Variants in MLIP observed in about 807,000 individuals in gnomAD.
MLIP encodes muscular LMNA interacting protein.
MLIP carries 79 observed loss-of-function variants against 84.8 expected under a neutral mutation model. The observed-to-expected ratio is 0.93, with a 90% CI of 0.78 to 1.12. MLIP has a LOEUF of 1.12. Among genes scored for constraint, MLIP ranks in the 50% most tolerant of loss-of-function variants. The probability of loss-of-function intolerance (pLI) is 0.00; values close to 1 mark genes in which losing one functional copy is unlikely to be tolerated. For synonymous variants in MLIP, 504 were observed against 463.0 expected, an observed-to-expected ratio of 1.09 and a Z score of -1.14; for missense variants, 1,257 against 1,160.6, an observed-to-expected ratio of 1.08 and a Z score of -1.21.
At chr6:54,131,499 A>C (rs1033187681) in intron 3 of MLIP, among the ~76,000 whole-genome samples, 6 of 152,044 alleles carry the variant, frequency 3.9e-5, no homozygotes, top group African/African-American at 1.4e-4. Context: ...AAATTCCTTC[A>C]CCTCTGTCAT....
upstream of MLIP, among the ~76,000 whole-genome samples, chr6:54,110,360 A>C (rs139177843): frequency 0.012 from 1,874 of 152,190 alleles, 43 homozygotes; most frequent in African/African-American, 0.041. Context: ...TTCTCAAACC[A>C]TTAGCTTTTT....
intron 1 of MLIP, chr6:54,083,643 A>G (rs1459609730): frequency 6.5e-7 from 1 of 1,535,116 alleles, no homozygotes; most frequent in Admixed American, 2.0e-5. Context: ...TATTAGTACA[A>G]TTCCTTGATA....
chr6:54,224,548 GA>G (rs1210256717), intron 11 of MLIP, among the ~76,000 whole-genome samples: 1 of 151,964 alleles, frequency 6.6e-6, no homozygotes, highest in Non-Finnish European at 1.5e-5. Context: ...TACATTCTGA[GA>G]AATCCATCCT....
intron 12 of MLIP, among the ~76,000 whole-genome samples, chr6:54,233,323 C>G (rs1268029753): frequency 6.6e-6 from 1 of 152,078 alleles, no homozygotes; most frequent in Admixed American, 6.5e-5. Flanking sequence ...TGCTATCCCT[C>G]TCCTAGCCCC....
intron 11 of MLIP, chr6:54,217,373 T>G (rs1779924697): frequency 1.0e-6 from 1 of 985,194 alleles, no homozygotes. Context: ...ATGGAAACAG[T>G]TTTTGAAGTT....
At chr6:54,201,175 G>A (rs1778651742) in intron 10 of MLIP, among the ~76,000 whole-genome samples, 1 of 152,164 alleles carries the variant, frequency 6.6e-6, no homozygotes, top group African/African-American at 2.4e-5. Flanking sequence ...GAGTTCTCCT[G>A]CCTCTCTTTG....
Position 54,230,822 on chromosome 6 carries a change from T to G in MLIP, c.2827T>G (p.Cys943Gly), listed in dbSNP as rs1031277831. The change falls in exon 12 of 14, where the codon TGT becomes GGT. Residue 943 changes from cysteine to glycine, a missense_variant. Coordinates refer to ENST00000502396, the MANE Select transcript of MLIP (RefSeq NM_001281747.2). Reference protein sequence around the residue: ...LHPQTLSHADCLAPGPFSHLS... With the variant: ...LHPQTLSHADGLAPGPFSHLS... ...TCCACAGACCCTCTCACATGCTGACTGTCTTGCCCCAGGACCCTTCAGTCA... is the reference window on the plus strand; with the variant it reads ...TCCACAGACCCTCTCACATGCTGACGGTCTTGCCCCAGGACCCTTCAGTCA... 1 of 1,614,106 alleles carries G rather than the reference T, an allele frequency of 6.2e-7. No homozygotes were observed. The highest frequency in any genetic ancestry group is 8.5e-7 in the Non-Finnish European group (1 of 1,180,010).
At chr6:54,043,014 A>C (rs902843131) in intron 1 of MLIP, among the ~76,000 whole-genome samples, 3 of 152,198 alleles carry the variant, frequency 2.0e-5, no homozygotes, top group Non-Finnish European at 4.4e-5. Flanking sequence ...TCTGTTTAGG[A>C]TAAACTGTAG....
intron 3 of MLIP, among the ~76,000 whole-genome samples, chr6:54,132,618 T>C (rs2083492590): frequency 6.6e-6 from 1 of 152,152 alleles, no homozygotes; most frequent in Non-Finnish European, 1.5e-5. Context: ...TTGGAAAAGC[T>C]GTTCATCAGA....
At chr6:54,022,828 G>A (rs1197513541) in intron 1 of MLIP, among the ~76,000 whole-genome samples, 1 of 152,006 alleles carries the variant, frequency 6.6e-6, no homozygotes, top group Non-Finnish European at 1.5e-5. Context: ...TATGTCTCAA[G>A]ACAATTTTAT....
chr6:54,257,647 C>T (rs1783099287), intron 13 of MLIP, among the ~76,000 whole-genome samples: 1 of 152,022 alleles, frequency 6.6e-6, no homozygotes, highest in Non-Finnish European at 1.5e-5. Flanking sequence ...TTTTTGGGTT[C>T]ATATGTGAAA....
At chr6:54,167,662 A>G (rs1775332684) in intron 8 of MLIP, among the ~76,000 whole-genome samples, 1 of 151,946 alleles carries the variant, frequency 6.6e-6, no homozygotes, top group African/African-American at 2.4e-5. Context: ...ATTTCTTAAT[A>G]GAAATGGAGA....
upstream of MLIP, chr6:54,111,359 ACT>A: frequency 9.0e-6 from 13 of 1,441,536 alleles, no homozygotes; most frequent in Admixed American, 2.6e-5. Context: ...TTTTGGAATG[ACT>A]CTGCTTTACC....
At chr6:54,062,285 T>C (rs550563718) in intron 1 of MLIP, among the ~76,000 whole-genome samples, 1 of 152,336 alleles carries the variant, frequency 6.6e-6, no homozygotes, top group Admixed American at 6.5e-5. Context: ...TTTCCGTTCA[T>C]GATGTCCTTA....
intron 4 of MLIP, among the ~76,000 whole-genome samples, chr6:54,148,313 C>A (rs2797426): frequency 1.3e-3 from 196 of 152,044 alleles, no homozygotes; most frequent in African/African-American, 4.7e-3. Context: ...ATTTCTACAG[C>A]TTCCTCATGC....
rs567568004 is a variant in MLIP at position 54,087,643 on chromosome 6, G to A, written c.64-33804G>A. On this transcript the variant is annotated intron_variant, in intron 1 of 12. Transcript: ENST00000274897. ...GGGGCCACTGCCCTCACATGTGTGA[G>A]GGGCCATGAGAAGGAAGAGGATCCA... Among the ~76,000 whole-genome samples, 7 of 152,200 alleles carry A rather than the reference G, an allele frequency of 4.6e-5. No individual in the cohort carries two copies. The East Asian group carries it at 1.4e-3, about 29-fold the overall frequency.
intron 8 of MLIP, among the ~76,000 whole-genome samples, chr6:54,167,866 A>T (rs1488213480): frequency 6.6e-6 from 1 of 151,760 alleles, no homozygotes; most frequent in Non-Finnish European, 1.5e-5. Context: ...CTAGGGGCTC[A>T]ATCTGTTTTT....
At chr6:54,094,636 T>G (rs764075176) in intron 1 of MLIP, among the ~76,000 whole-genome samples, 5 of 152,098 alleles carry the variant, frequency 3.3e-5, no homozygotes, top group Non-Finnish European at 7.4e-5. Context: ...AAAGACATTC[T>G]TGTTTTGTAC....
intron 12 of MLIP, among the ~76,000 whole-genome samples, chr6:54,245,452 G>C (rs1782013351): frequency 6.6e-6 from 1 of 152,144 alleles, no homozygotes; most frequent in Admixed American, 6.6e-5. Context: ...GTGGGCACTA[G>C]GATGAGAGAG....
Sources: gnomAD v4.1 joint callset for allele counts (sites outside exome capture counted in the v4.1 genomes callset) on GRCh38, gnomAD v4.1.1 for gene constraint, MANE v1.5 for transcripts, NCBI Gene and HGNC (gene_info 2026-07-23, HGNC 2026-07-21) for gene names.